The following PALM variants were observed in gnomAD, a reference collection of about 807,000 sequenced individuals.
PALM encodes the protein paralemmin-1.
Under a neutral mutation model 30.7 loss-of-function variants are expected in PALM, and 18 were observed. That is an observed-to-expected ratio of 0.59 (90% CI 0.41 to 0.87). PALM has a LOEUF of 0.87. PALM is among the 40% of genes least tolerant of loss of function. The probability of loss-of-function intolerance (pLI) is 0.00; values close to 1 mark genes in which losing one functional copy is unlikely to be tolerated. For missense variants in PALM, 529 were observed against 555.4 expected, an observed-to-expected ratio of 0.95 and a Z score of 0.48; for synonymous variants, 286 against 242.8, an observed-to-expected ratio of 1.18 and a Z score of -1.66.
rs140514245 is a variant in PALM at position 718,584 on chromosome 19, G to C, written c.6-7554G>C. Among the ~76,000 whole-genome samples, 7 of 152,264 alleles carry C rather than the reference G, an allele frequency of 4.6e-5. No individual in the cohort carries two copies. In the East Asian group the frequency reaches 1.4e-3, roughly 29 times the overall value. ...TAATAGGCAACAGGTTTGCTTCTCT[G>C]CATCTGTGGCCTGCTTTGACCTCCG... On this transcript the variant is annotated intron_variant, in intron 1 of 8. Coordinates refer to ENST00000338448, the MANE Select transcript of PALM (RefSeq NM_002579.3).
chr19:719,597 A>C, intron 1 of PALM: 2 of 986,268 alleles, frequency 2.0e-6, no homozygotes, highest in Non-Finnish European at 2.4e-6. Flanking sequence ...CAGCACCAGG[A>C]CCGCCGCCGC....
In PALM at chr19:739,750, T is replaced by C. The variant is rs2238561; in HGVS notation, c.503-602T>C. Among the ~76,000 whole-genome samples the C allele has an allele frequency of 0.03, 4,547 of 151,254 alleles. 380 individuals carry two copies. In the East Asian group the frequency reaches 0.34, roughly 11 times the overall value. ...CAGCACTTTGGGAGGCCAAGGCAGG[T>C]GGATCACCTGAGGTCAGGAGTTTGA... On this transcript the variant is annotated intron_variant, in intron 7 of 8. Transcript: ENST00000338448.
At chr19:744,710 G>A (rs546123734) in intron 8 of PALM, among the ~76,000 whole-genome samples, 6 of 151,426 alleles carry the variant, frequency 4.0e-5, no homozygotes, top group African/African-American at 1.5e-4. Flanking sequence ...CCTGGCCAAC[G>A]TGGTGAAACC....
At chr19:719,908 C>T (rs1449744527) in intron 1 of PALM, among the ~76,000 whole-genome samples, 2 of 152,160 alleles carry the variant, frequency 1.3e-5, no homozygotes, top group South Asian at 2.1e-4. Flanking sequence ...CGTTTTGATC[C>T]GTGCGTCGTG....
chr19:736,883 A>G (rs914071241), intron 7 of PALM, among the ~76,000 whole-genome samples: 2 of 152,170 alleles, frequency 1.3e-5, no homozygotes, highest in African/African-American at 4.8e-5. Context: ...GCGAAACCCC[A>G]TCTCTACTAA....
chr19:709,125 C>T lies in PALM; in HGVS notation c.-22C>T, dbSNP rs1806703695. On this transcript the variant is annotated 5_prime_UTR_variant, in exon 1 of 9. Transcript: ENST00000338448. The surrounding 1 kb of genome is among the most constrained non-coding windows in gnomAD (Gnocchi z 4.3). ...CCCGCCCCCGCCCGGCACCGCGGAC[C>T]CACCCGGACCTCGGCGGGGAGATGG... 4 of 312,446 alleles carry T rather than the reference C, an allele frequency of 1.3e-5. No individual in the cohort carries two copies. Among genetic ancestry groups the T allele is most frequent in the Non-Finnish European group, 1.8e-5 (3 of 170,864 alleles). 19.4% of individuals were successfully genotyped at this position (312,446 alleles called of 1,614,324 possible). A position where few individuals can be genotyped will look rare whatever the true frequency, so the allele number is the denominator to read the frequency against.
At chr19:714,187 G>C (rs1382735502) in intron 1 of PALM, among the ~76,000 whole-genome samples, 1 of 151,142 alleles carries the variant, frequency 6.6e-6, no homozygotes, top group Non-Finnish European at 1.5e-5. Context: ...TTACAGGCGT[G>C]AGCCACCGCG....
At chr19:719,242 G>A in intron 1 of PALM, 2 of 985,474 alleles carry the variant, frequency 2.0e-6, no homozygotes, top group East Asian at 2.3e-4. Context: ...CCTGCTCGCT[G>A]GGTGACCTTG....
chr19:725,374 C>G (rs1330944356), intron 1 of PALM, among the ~76,000 whole-genome samples: 2 of 151,950 alleles, frequency 1.3e-5, no homozygotes, highest in African/African-American at 2.4e-5. Flanking sequence ...GCCTGGCCAA[C>G]ATGGTGAAAC....
intron 8 of PALM, among the ~76,000 whole-genome samples, chr19:740,758 A>G (rs55953828): frequency 0.18 from 27,294 of 152,134 alleles, 3,354 homozygotes; most frequent in African/African-American, 0.34. Context: ...CTCTGGAGGG[A>G]AATCCGGAGG....
At position 735,996 on chromosome 19, in the gene PALM, C is replaced by T. The variant is rs758864680; in HGVS notation, c.443-23C>T. The T allele has an allele frequency of 3.1e-6, 5 of 1,602,164 alleles. No individual in the cohort carries two copies. In the South Asian group the frequency reaches 4.5e-5, roughly 14 times the overall value. On this transcript the variant is annotated intron_variant, in intron 6 of 8. Coordinates refer to ENST00000338448, the MANE Select transcript of PALM (RefSeq NM_002579.3). ...CCTCTCCTCTGACCCTCATCTCTCT[C>T]TCCGCTTCCACCTCCCGTGCAGACA... is the stretch of plus-strand genomic sequence containing the variant.
At chr19:734,114 TC>T (rs1382383532) in intron 5 of PALM, 58 bp from the exon 6 acceptor site, 46 of 1,578,288 alleles carry the variant, frequency 2.9e-5, no homozygotes, top group Non-Finnish European at 3.9e-5. Context: ...ACCCCATGGC[TC>T]CCCTTCCTCT....
At chr19:737,557 CAG>C (rs138512615) in intron 7 of PALM, among the ~76,000 whole-genome samples, 5,936 of 152,212 alleles carry the variant, frequency 0.039, 163 homozygotes, top group South Asian at 0.062. Context: ...CCAGAGGGCT[CAG>C]GGGAGGGGAG....
chr19:743,038 T>C (rs2033235955), intron 8 of PALM, among the ~76,000 whole-genome samples: 1 of 152,048 alleles, frequency 6.6e-6, no homozygotes, highest in Non-Finnish European at 1.5e-5. Flanking sequence ...TTTCTCCACG[T>C]CCTCACCAGC....
chr19:743,607 A>G (rs953696398), intron 8 of PALM, among the ~76,000 whole-genome samples: 3 of 152,194 alleles, frequency 2.0e-5, no homozygotes, highest in Non-Finnish European at 4.4e-5. Flanking sequence ...CAGGAACAGG[A>G]GCCCTGACCC....
intron 1 of PALM, chr19:719,551 C>T (rs950112594): frequency 3.0e-6 from 3 of 985,386 alleles, no homozygotes; most frequent in Admixed American, 1.2e-4. Flanking sequence ...CCAGCACCTG[C>T]CCCGGGACCC....
intron 1 of PALM, 88 bp from the exon 2 acceptor site, chr19:726,050 G>A: frequency 9.7e-7 from 1 of 1,026,972 alleles, no homozygotes; most frequent in East Asian, 2.4e-5. Flanking sequence ...GTTACCCCTA[G>A]GGGAAGAGGC....
Position 719,283 on chromosome 19 carries a change from A to G in PALM, c.6-6855A>G, listed in dbSNP as rs1389735018. ...TGCGTAACCTCTCTGGGCCCTTCCAACACCAACGCCCCGCACCGCGGAGGC... is the reference window on the plus strand; with the variant it reads ...TGCGTAACCTCTCTGGGCCCTTCCAGCACCAACGCCCCGCACCGCGGAGGC... On this transcript the variant is annotated intron_variant, in intron 1 of 8. Transcript: ENST00000338448. 3 of 985,122 alleles carry G rather than the reference A, an allele frequency of 3.0e-6. No individual in the cohort carries two copies. The Admixed American group carries it at 1.8e-4, about 61-fold the overall frequency. The allele number at this position is 985,122 out of a possible 1,614,324, so 61.0% of individuals were successfully genotyped here. A position where few individuals can be genotyped will look rare whatever the true frequency, so the allele number is the denominator to read the frequency against.
Position 726,894 on chromosome 19 carries a change from C to G in PALM, c.58-114C>G, listed in dbSNP as rs935614925. The G allele has an allele frequency of 5.9e-6, 4 of 679,676 alleles. No homozygotes were observed. The Admixed American group carries it at 7.5e-5, about 13-fold the overall frequency. The allele number at this position is 679,676 out of a possible 1,614,324, so 42.1% of individuals were successfully genotyped here. A position where few individuals can be genotyped will look rare whatever the true frequency, so the allele number is the denominator to read the frequency against. ...CTGTCACCTGGAAGCCAGTGGGCCA[C>G]GAGGATCCCCGGACAGAGGAAGCAG... On this transcript the variant is annotated intron_variant, in intron 2 of 8. Coordinates refer to ENST00000338448, the MANE Select transcript of PALM (RefSeq NM_002579.3).
Sources: gnomAD v4.1 joint callset for allele counts (sites outside exome capture counted in the v4.1 genomes callset) on GRCh38, gnomAD v4.1.1 for gene constraint, Gnocchi (gnomAD v3.1) non-coding constraint, MANE v1.5 for transcripts, NCBI Gene and HGNC (gene_info 2026-07-23, HGNC 2026-07-21) for gene names.